Variants in RHOH observed in about 807,000 individuals in gnomAD.
The protein encoded by RHOH is rho-related GTP-binding protein RhoH.
A neutral mutation model predicts 13.8 loss-of-function variants in RHOH; 6 were observed. That is an observed-to-expected ratio of 0.44 (90% confidence interval 0.24 to 0.86). The LOEUF (loss-of-function observed/expected upper bound fraction) is 0.86, where lower values mean the gene tolerates loss of function less well. RHOH is among the 40% of genes least tolerant of loss of function. RHOH has a pLI of 0.24. For synonymous variants in RHOH, 117 were observed against 103.0 expected (o/e 1.14, Z -0.82); for missense variants, 147 against 244.5 (o/e 0.60, Z 2.66).
At chr4:40,206,033 C>A (rs1724601413) in intron 1 of RHOH, among the ~76,000 whole-genome samples, 1 of 152,212 alleles carries the variant, frequency 6.6e-6, no homozygotes, top group South Asian at 2.1e-4. Flanking sequence ...ATCATACAGT[C>A]ACAGCCCTCA....
chr4:40,226,108 T>C (rs1290083684), intron 1 of RHOH, among the ~76,000 whole-genome samples: 2 of 152,204 alleles, frequency 1.3e-5, no homozygotes, highest in African/African-American at 4.8e-5. Context: ...GCATGGGAGA[T>C]AGATTCTTTT....
intron 2 of RHOH, 111 bp downstream of exon 2, chr4:40,242,945 TTGTGTGTGTGTGTG>T (rs58807335): frequency 0.12 from 17,264 of 143,624 alleles, 1,141 homozygotes; most frequent in Admixed American, 0.2. Context: ...CGGGAGGCAT[TTGTGTGTGTGTGTG>T]TGTGTGTGTG....
intron 1 of RHOH, among the ~76,000 whole-genome samples, chr4:40,198,055 C>A (rs2109344597): frequency 6.6e-6 from 1 of 152,322 alleles, no homozygotes; most frequent in South Asian, 2.1e-4. Flanking sequence ...AAAATCTCTA[C>A]TTTGAAGGAC....
At chr4:40,221,385 G>A (rs1054178988) in intron 1 of RHOH, among the ~76,000 whole-genome samples, 1 of 152,158 alleles carries the variant, frequency 6.6e-6, no homozygotes, top group Non-Finnish European at 1.5e-5. Context: ...CAAACTGAAG[G>A]TTTGTGGCAA....
In RHOH at chr4:40,243,241, A is replaced by T; in HGVS notation, c.-146A>T. ...GCTTGGATGGGCAGGGAGAAGTAACATTCTGCAAATCGCCGTCAGAGGTCC... is the reference window on the plus strand; with the variant it reads ...GCTTGGATGGGCAGGGAGAAGTAACTTTCTGCAAATCGCCGTCAGAGGTCC... On this transcript the variant is annotated 5_prime_UTR_variant, in exon 3 of 3. Coordinates refer to ENST00000381799, the MANE Select transcript of RHOH (RefSeq NM_004310.5). This position sits in a 1 kb window ranked among gnomAD's most constrained non-coding sequence, Gnocchi z 6.2. 1 of 617,492 alleles carries T rather than the reference A, an allele frequency of 1.6e-6. No individual in the cohort carries two copies. The highest frequency in any genetic ancestry group is 2.8e-6 in the Non-Finnish European group (1 of 356,954). 38.3% of individuals were successfully genotyped at this position (617,492 alleles called of 1,614,324 possible).
chr4:40,219,138 G>A (rs1447227660), intron 1 of RHOH, among the ~76,000 whole-genome samples: 1 of 152,022 alleles, frequency 6.6e-6, no homozygotes. Flanking sequence ...GTGGCTGGGC[G>A]CGGTGGCTCA....
At chr4:40,196,893 C>T (rs1002308725), upstream of RHOH, 1 of 152,164 alleles carries the variant, frequency 6.6e-6, no homozygotes, top group African/African-American at 2.4e-5. Flanking sequence ...TGCCTCTGAT[C>T]TGGGGAAGTT....
intron 1 of RHOH, among the ~76,000 whole-genome samples, chr4:40,208,803 C>T (rs527666343): frequency 1.0e-3 from 152 of 151,974 alleles, no homozygotes; most frequent in Non-Finnish European, 1.4e-3. Flanking sequence ...ACTTAAAATG[C>T]CCAACAGAAA....
chr4:40,211,522 C>T (rs1579259175), intron 1 of RHOH, among the ~76,000 whole-genome samples: 1 of 152,142 alleles, frequency 6.6e-6, no homozygotes, highest in East Asian at 1.9e-4. Flanking sequence ...GATCCGCCTG[C>T]CTCGGCCTCC....
At chr4:40,230,390 G>A (rs983866270) in intron 1 of RHOH, among the ~76,000 whole-genome samples, 2 of 151,960 alleles carry the variant, frequency 1.3e-5, no homozygotes, top group Admixed American at 6.6e-5. Flanking sequence ...GAGTGCAGTA[G>A]TGTGATCTCA....
chr4:40,224,877 G>T (rs1352809470), intron 1 of RHOH, among the ~76,000 whole-genome samples: 2 of 152,214 alleles, frequency 1.3e-5, no homozygotes, highest in Non-Finnish European at 2.9e-5. Flanking sequence ...GTAAGTGCAA[G>T]TTTTAATTCA....
At chr4:40,220,673 T>G (rs1726453233) in intron 1 of RHOH, among the ~76,000 whole-genome samples, 1 of 152,218 alleles carries the variant, frequency 6.6e-6, no homozygotes, top group South Asian at 2.1e-4. Context: ...TTTATTATCT[T>G]CTGCCCCATT....
chr4:40,197,488 C>T (rs2109341030), intron 1 of RHOH, among the ~76,000 whole-genome samples, 188 bp downstream of exon 1: 1 of 152,238 alleles, frequency 6.6e-6, no homozygotes, highest in African/African-American at 2.4e-5. Context: ...TGCCCCTCAC[C>T]ACAGTCCTAA....
chr4:40,242,781 C>T lies in RHOH; in HGVS notation c.-263C>T, dbSNP rs1447923100. 6.6e-6 allele frequency: 1 copy of T among 152,294 alleles called. No homozygotes were observed. The highest frequency in any genetic ancestry group is 2.4e-5 in the African/African-American group (1 of 41,450). 9.4% of individuals were successfully genotyped at this position (152,294 alleles called of 1,614,324 possible). A position where few individuals can be genotyped will look rare whatever the true frequency, so the allele number is the denominator to read the frequency against. On this transcript the variant is annotated 5_prime_UTR_variant, in exon 2 of 3. Coordinates refer to ENST00000381799, the MANE Select transcript of RHOH (RefSeq NM_004310.5). ...AACGCTCTCGGGGCCTTTGCCACTT[C>T]TTGGAGTAGAAGCCGACAGAGAGCT...
At chr4:40,216,021 G>A (rs1180832850) in intron 1 of RHOH, among the ~76,000 whole-genome samples, 1 of 152,024 alleles carries the variant, frequency 6.6e-6, no homozygotes. Flanking sequence ...GCCCCATGAA[G>A]CCATCGGAAC....
At chr4:40,192,444 C>T (rs777133696), upstream of RHOH, among the ~76,000 whole-genome samples, 10 of 152,178 alleles carry the variant, frequency 6.6e-5, no homozygotes, top group East Asian at 1.9e-4. Context: ...ACTCAAGTCT[C>T]AAGGTTTCTA....
intron 1 of RHOH, among the ~76,000 whole-genome samples, chr4:40,197,579 C>A (rs542044586): frequency 6.2e-4 from 94 of 152,296 alleles, no homozygotes; most frequent in Middle Eastern, 3.4e-3. Context: ...ATGCTTGTGA[C>A]TGTGGCTGAG....
chr4:40,237,145 C>A (rs1365614921), intron 1 of RHOH, among the ~76,000 whole-genome samples: 1 of 152,142 alleles, frequency 6.6e-6, no homozygotes, highest in Non-Finnish European at 1.5e-5. Context: ...GGAATTGCTT[C>A]CCTTTCCCCA....
intron 1 of RHOH, among the ~76,000 whole-genome samples, chr4:40,203,163 G>A (rs1724225748): frequency 6.6e-6 from 1 of 152,058 alleles, no homozygotes; most frequent in East Asian, 1.9e-4. Context: ...TAGTTGAGAC[G>A]GAGTTTCACC....
Sources: allele counts gnomAD v4.1 joint callset (sites outside exome capture counted in the v4.1 genomes callset), GRCh38; gene constraint gnomAD v4.1.1; non-coding constraint Gnocchi (gnomAD v3.1); transcripts MANE v1.5; gene names NCBI Gene and HGNC (gene_info 2026-07-23, HGNC 2026-07-21).